The following PCDHGB4 variants were observed in gnomAD, a reference collection of about 807,000 sequenced individuals.
The protein encoded by PCDHGB4 is protocadherin gamma-B4.
In PCDHGB4, 38 loss-of-function variants were observed where a neutral mutation model predicts 60.5. The observed-to-expected ratio is 0.63, with a 90% confidence interval of 0.48 to 0.82. PCDHGB4 has a LOEUF of 0.82. Among genes scored for constraint, PCDHGB4 ranks in the 40% least tolerant of loss-of-function variants. The probability of loss-of-function intolerance (pLI) is 0.00; values close to 1 mark genes in which losing one functional copy is unlikely to be tolerated. For synonymous variants in PCDHGB4, 456 were observed against 509.7 expected, an observed-to-expected ratio of 0.89 and a Z score of 1.42; for missense variants, 1,109 against 1,209.6, an observed-to-expected ratio of 0.92 and a Z score of 1.23.
At chr5:141,403,430 C>A in intron 1 of PCDHGB4, 1 of 1,614,022 alleles carries the variant, frequency 6.2e-7, no homozygotes, top group Non-Finnish European at 8.5e-7. Flanking sequence ...AGCTATTGAT[C>A]CGGATGTTGG....
chr5:141,456,042 C>T (rs1437027249), intron 1 of PCDHGB4, among the ~76,000 whole-genome samples: 3 of 151,886 alleles, frequency 2.0e-5, no homozygotes, highest in Non-Finnish European at 2.9e-5. Flanking sequence ...GGACTACAGG[C>T]GCCCACCACC....
At chr5:141,423,150 G>T in intron 1 of PCDHGB4, 1 of 1,613,538 alleles carries the variant, frequency 6.2e-7, no homozygotes, top group Non-Finnish European at 8.5e-7. Flanking sequence ...CGCTCAAGCA[G>T]AGCCTCGTGG....
chr5:141,487,323 G>A lies in PCDHGB4; in HGVS notation c.2398-7484G>A, dbSNP rs374901235. Reference sequence around the variant, plus strand: ...GTGGCACTACTCTCTAAGTGTCTTCGTGGGGCAGCCTGTGGAGTCACATGC... The same window carrying A: ...GTGGCACTACTCTCTAAGTGTCTTCATGGGGCAGCCTGTGGAGTCACATGC... On this transcript the variant is annotated intron_variant, in intron 1 of 3. Coordinates refer to ENST00000519479, the MANE Select transcript of PCDHGB4 (RefSeq NM_003736.4). The surrounding 1 kb of genome is among the most constrained non-coding windows in gnomAD (Gnocchi z 5.0). 4.0e-5 allele frequency: 65 copies of A among 1,613,982 alleles called. No homozygotes were observed. Among genetic ancestry groups the A allele is most frequent in the Non-Finnish European group, 4.7e-5 (56 of 1,180,012 alleles).
rs376526750 is a variant in PCDHGB4 at position 141,476,593 on chromosome 5, G to T, written c.2398-18214G>T. The T allele has an allele frequency of 8.5e-5, 138 of 1,614,104 alleles. No individual in the cohort carries two copies. The highest frequency in any genetic ancestry group is 1.1e-4 in the Non-Finnish European group (133 of 1,180,044). On this transcript the variant is annotated intron_variant, in intron 1 of 3. Transcript: ENST00000519479. The surrounding 1 kb of genome is among the most constrained non-coding windows in gnomAD (Gnocchi z 7.6). ...GGACGCGCTTTCCGCTCGAGAGCGCGCACGATCCCGATGTGGGAAGCAACT... is the reference window on the plus strand; with the variant it reads ...GGACGCGCTTTCCGCTCGAGAGCGCTCACGATCCCGATGTGGGAAGCAACT...
At chr5:141,427,966 T>C (rs1458559803) in intron 1 of PCDHGB4, 10 of 1,590,764 alleles carry the variant, frequency 6.3e-6, no homozygotes, top group African/African-American at 1.3e-5. Flanking sequence ...CCGCGGGTGC[T>C]GTACCCCGCG....
chr5:141,441,740 G>T (rs1241907865), intron 1 of PCDHGB4: 2 of 364,772 alleles, frequency 5.5e-6, no homozygotes, highest in Non-Finnish European at 1.1e-5. Context: ...ACTAGCTCGC[G>T]CTCGGCGTCA....
chr5:141,433,742 C>G (rs927651405), intron 1 of PCDHGB4, among the ~76,000 whole-genome samples: 1 of 150,826 alleles, frequency 6.6e-6, no homozygotes, highest in Non-Finnish European at 1.5e-5. Flanking sequence ...GAGGCTGAGT[C>G]AGGAGAATTG....
chr5:141,456,888 G>A (rs376401806), intron 1 of PCDHGB4, among the ~76,000 whole-genome samples: 5 of 152,118 alleles, frequency 3.3e-5, no homozygotes, highest in Admixed American at 1.3e-4. Context: ...GCTTGAACCC[G>A]GGAGGCAGAG....
chr5:141,456,835 C>T (rs1261094365), intron 1 of PCDHGB4, among the ~76,000 whole-genome samples: 3 of 152,000 alleles, frequency 2.0e-5, no homozygotes, highest in African/African-American at 4.8e-5. Flanking sequence ...TGGTAGTGGG[C>T]GCCTGTAATC....
chr5:141,494,903 G>A (rs760748707), intron 2 of PCDHGB4, 38 bp downstream of exon 2: 39 of 1,613,894 alleles, frequency 2.4e-5, no homozygotes, highest in Non-Finnish European at 3.1e-5. Context: ...TCTTCTCTGC[G>A]GCATTTTCTC....
intron 2 of PCDHGB4, among the ~76,000 whole-genome samples, chr5:141,501,212 A>G (rs936235563): frequency 1.9e-4 from 29 of 150,770 alleles, no homozygotes; most frequent in Admixed American, 1.8e-3. Flanking sequence ...TGTCAGGGTG[A>G]CTTCCTAGAT....
chr5:141,433,359 C>CTATCTATCTATA, intron 1 of PCDHGB4: 1 of 228,708 alleles, frequency 4.4e-6, no homozygotes, highest in South Asian at 4.1e-5. Context: ...TACTGTCTGC[C>CTATCTATCTATA]TATCTATCTA....
chr5:141,411,174 A>T (rs574627520), intron 1 of PCDHGB4: 4 of 152,400 alleles, frequency 2.6e-5, no homozygotes, highest in African/African-American at 7.2e-5. Flanking sequence ...GAACAGAAGC[A>T]GTGGTCTTGG....
chr5:141,426,451 C>T (rs561567196), intron 1 of PCDHGB4: 1 of 308,946 alleles, frequency 3.2e-6, no homozygotes, highest in Non-Finnish European at 6.4e-6. Flanking sequence ...GGACATGCGG[C>T]TGCATGTTCA....
At chr5:141,478,163 C>T (rs779617960) in intron 1 of PCDHGB4, 1 of 1,614,028 alleles carries the variant, frequency 6.2e-7, no homozygotes, top group Non-Finnish European at 8.5e-7. Context: ...TGGCTCTGCC[C>T]CCCGGGAGCA....
intron 1 of PCDHGB4, chr5:141,400,589 A>G (rs771561940): frequency 4.4e-6 from 7 of 1,605,662 alleles, no homozygotes; most frequent in South Asian, 2.2e-5. Flanking sequence ...ACATGAAACT[A>G]TCGTACATTT....
In PCDHGB4 at chr5:141,477,294, C is replaced by G. The variant is rs753131175; in HGVS notation, c.2398-17513C>G. On this transcript the variant is annotated intron_variant, in intron 1 of 3. Coordinates refer to ENST00000519479, the MANE Select transcript of PCDHGB4 (RefSeq NM_003736.4). This position sits in a 1 kb window ranked among gnomAD's most constrained non-coding sequence, Gnocchi z 4.9. ...GGGCTGGTGACCTGCGAAGTTCCACCGGGTCTCCCTTTCAGCCTTACTTCT... is the reference window on the plus strand; with the variant it reads ...GGGCTGGTGACCTGCGAAGTTCCACGGGGTCTCCCTTTCAGCCTTACTTCT... The G allele has an allele frequency of 2.1e-5, 34 of 1,614,024 alleles. No individual in the cohort carries two copies. Among genetic ancestry groups the G allele is most frequent in the Non-Finnish European group, 2.9e-5 (34 of 1,180,036 alleles).
At position 141,388,660 on chromosome 5, in the gene PCDHGB4, C is replaced by A. The variant is rs762083225; in HGVS notation, c.776C>A (p.Thr259Asn). 5.0e-6 allele frequency: 8 copies of A among 1,613,714 alleles called. No individual in the cohort carries two copies. The South Asian group carries it at 8.8e-5, about 18-fold the overall frequency. The change falls in exon 1 of 4, where the codon ACC (threonine) becomes AAC (asparagine). Residue 259 changes from threonine (T) to asparagine (N), a missense_variant. By Grantham distance (65) the Thr-to-Asn change is moderately conservative. Transcript: ENST00000519479. ...VSLSENVYPG[T>N]TVLQVTATDQ... is the part of the protein sequence containing the mutation. Reference sequence around the variant, plus strand: ...CTTTCAGAAAACGTGTACCCGGGGACCACGGTGCTACAGGTGACTGCCACG... The same window carrying A: ...CTTTCAGAAAACGTGTACCCGGGGAACACGGTGCTACAGGTGACTGCCACG...
At position 141,413,888 on chromosome 5, in the gene PCDHGB4, A is replaced by G. The variant is rs777389288; in HGVS notation, c.2397+23607A>G. On this transcript the variant is annotated intron_variant, in intron 1 of 3. Transcript: ENST00000519479. Reference sequence around the variant, plus strand: ...GTCCTTGTCAGTGTGACTGTCTTCGATGCAAATGACAACGCGCCGGTCTTC... The same window carrying G: ...GTCCTTGTCAGTGTGACTGTCTTCGGTGCAAATGACAACGCGCCGGTCTTC... The G allele has an allele frequency of 2.5e-5, 40 of 1,613,256 alleles. No individual in the cohort carries two copies. Among genetic ancestry groups the G allele is most frequent in the Non-Finnish European group, 3.4e-5 (40 of 1,179,886 alleles).
Sources: allele counts gnomAD v4.1 joint callset (sites outside exome capture counted in the v4.1 genomes callset), GRCh38; gene constraint gnomAD v4.1.1; non-coding constraint Gnocchi (gnomAD v3.1); transcripts MANE v1.5; gene names NCBI Gene and HGNC (gene_info 2026-07-23, HGNC 2026-07-21).